GAD2: variants seen among roughly 807,000 people sequenced by gnomAD.
The protein encoded by GAD2 is glutamate decarboxylase 2, also known as 65 kDa glutamic acid decarboxylase.
Under a neutral mutation model 80.1 loss-of-function variants are expected in GAD2, and 22 were observed. The ratio of observed to expected loss-of-function variants is 0.27; its 90% CI spans 0.20 to 0.39. The LOEUF is 0.39. GAD2 is among the 10% of genes least tolerant of loss of function. The pLI is 1.00. For synonymous variants in GAD2, 274 were observed against 256.9 expected (o/e 1.07, Z -0.64); for missense variants, 624 against 738.4 (o/e 0.85, Z 1.80).
rs542945262 is a variant in GAD2, at chr10:26,245,460, G to A, written c.841-461G>A. 1.1e-4 allele frequency among the ~76,000 whole-genome samples: 16 copies of A among 149,082 alleles called. No homozygotes were observed. The South Asian group carries it at 2.3e-3, about 22-fold the overall frequency. Reference sequence around the variant, plus strand: ...TACCACAATTTTTTTTTTTTGAGACGGAGTTTCACTCTTGTCTCCCAAGTT... The same window carrying A: ...TACCACAATTTTTTTTTTTTGAGACAGAGTTTCACTCTTGTCTCCCAAGTT... On this transcript the variant is annotated intron_variant, in intron 7 of 15. Coordinates refer to ENST00000376261, the MANE Select transcript of GAD2 (RefSeq NM_001134366.2).
chr10:26,281,800 G>A (rs970777237), intron 12 of GAD2, among the ~76,000 whole-genome samples: 4 of 152,026 alleles, frequency 2.6e-5, no homozygotes, highest in Non-Finnish European at 5.9e-5. Context: ...ACGCCAGGCC[G>A]GACTCATAGT....
At chr10:26,222,712 A>G (rs1844468661) in intron 4 of GAD2, among the ~76,000 whole-genome samples, 1 of 152,174 alleles carries the variant, frequency 6.6e-6, no homozygotes, top group Non-Finnish European at 1.5e-5. Context: ...TTATATCTTT[A>G]CCCAGTGTCT....
intron 8 of GAD2, among the ~76,000 whole-genome samples, chr10:26,264,108 A>G (rs1845040394): frequency 6.6e-6 from 1 of 152,188 alleles, no homozygotes; most frequent in South Asian, 2.1e-4. Flanking sequence ...ACTGTCAAAC[A>G]CACATTGAGT....
At chr10:26,290,205 C>T (rs551610029) in intron 13 of GAD2, among the ~76,000 whole-genome samples, 8 of 152,246 alleles carry the variant, frequency 5.3e-5, no homozygotes, top group Non-Finnish European at 8.8e-5. Flanking sequence ...CATCTATTAT[C>T]GTGTCTAGTA....
intron 8 of GAD2, among the ~76,000 whole-genome samples, chr10:26,253,240 A>C (rs1298517087): frequency 1.3e-5 from 2 of 152,226 alleles, no homozygotes; most frequent in Non-Finnish European, 2.9e-5. Flanking sequence ...TTACTTATTA[A>C]ATTCGAAAGA....
intron 11 of GAD2, among the ~76,000 whole-genome samples, chr10:26,279,992 A>G (rs1289222549): frequency 6.6e-6 from 1 of 152,244 alleles, no homozygotes; most frequent in Non-Finnish European, 1.5e-5. Flanking sequence ...TTTGAGCTCC[A>G]GGACACTGCA....
At chr10:26,252,800 A>G (rs1246517196) in intron 8 of GAD2, among the ~76,000 whole-genome samples, 1 of 152,004 alleles carries the variant, frequency 6.6e-6, no homozygotes, top group East Asian at 1.9e-4. Context: ...CTGGGATTAC[A>G]GGCATGTGCA....
At chr10:26,257,865 G>T (rs1241857064) in intron 8 of GAD2, among the ~76,000 whole-genome samples, 1 of 152,194 alleles carries the variant, frequency 6.6e-6, no homozygotes, top group Non-Finnish European at 1.5e-5. Flanking sequence ...GGGGTCGTTA[G>T]GGATGCTAAT....
chr10:26,255,462 G>A lies in GAD2; in HGVS notation c.920+9462G>A, dbSNP rs1339757298. On this transcript the variant is annotated intron_variant, in intron 8 of 15. Coordinates refer to ENST00000376261, the MANE Select transcript of GAD2 (RefSeq NM_001134366.2). ...GGTCCAGGAGGTGGAGCCGTGAAGGGGAGGAGGCAGGGCTGAAGCTGGAGG... is the reference window on the plus strand; with the variant it reads ...GGTCCAGGAGGTGGAGCCGTGAAGGAGAGGAGGCAGGGCTGAAGCTGGAGG... Among the ~76,000 whole-genome samples the A allele has an allele frequency of 2.0e-5, 3 of 152,256 alleles. No individual in the cohort carries two copies. In the East Asian group the frequency reaches 5.8e-4, roughly 29 times the overall value.
At chr10:26,259,742 G>T (rs1844987322) in intron 8 of GAD2, among the ~76,000 whole-genome samples, 1 of 151,452 alleles carries the variant, frequency 6.6e-6, no homozygotes, top group Admixed American at 6.6e-5. Context: ...TTCTTTTGTT[G>T]CCTGAACCTT....
intron 7 of GAD2, among the ~76,000 whole-genome samples, chr10:26,231,035 A>G (rs983364427): frequency 2.0e-5 from 3 of 152,196 alleles, no homozygotes; most frequent in Admixed American, 2.0e-4. Flanking sequence ...GGTTGCAGTG[A>G]GAAGAGATCG....
At chr10:26,257,155 T>G (rs546804560) in intron 8 of GAD2, among the ~76,000 whole-genome samples, 22 of 152,268 alleles carry the variant, frequency 1.4e-4, no homozygotes, top group Non-Finnish European at 2.1e-4. Context: ...GGCAGGCATA[T>G]CACCTGAGGT....
intron 8 of GAD2, among the ~76,000 whole-genome samples, chr10:26,257,285 GAA>G (rs933978935): frequency 1.3e-5 from 2 of 152,168 alleles, no homozygotes; most frequent in African/African-American, 2.4e-5. Context: ...GCTGAGGCAG[GAA>G]AATCACTTGA....
chr10:26,220,329 T>C (rs1466917276), intron 4 of GAD2, among the ~76,000 whole-genome samples: 1 of 152,232 alleles, frequency 6.6e-6, no homozygotes, highest in Non-Finnish European at 1.5e-5. Context: ...GTCATCTTTT[T>C]AGATTGCAAA....
rs551049718 is a variant in GAD2 at position 26,237,306 on chromosome 10, G to C, written c.840+7529G>C. Among the ~76,000 whole-genome samples, 12 of 152,294 alleles carry C rather than the reference G, an allele frequency of 7.9e-5. No homozygotes were observed. The South Asian group carries it at 2.5e-3, about 32-fold the overall frequency. ...TCCAGGTTAGTGATATATCCTGTGA[G>C]CTTTGGAATTGATGAAATGGTGACA... On this transcript the variant is annotated intron_variant, in intron 7 of 15. Transcript: ENST00000376261.
chr10:26,269,073 T>C (rs199856488), intron 8 of GAD2, 46 bp from the exon 9 acceptor site: 1 of 1,480,096 alleles, frequency 6.8e-7, no homozygotes. Flanking sequence ...GTAAAGACGA[T>C]GAAGCAAATT....
chr10:26,217,910 C>A lies in GAD2; in HGVS notation c.205C>A (p.Arg69=). 1 of 1,610,778 alleles carries A rather than the reference C, an allele frequency of 6.2e-7. No homozygotes were observed. Among genetic ancestry groups the A allele is most frequent in the South Asian group, 1.1e-5 (1 of 90,956 alleles). The part of the protein sequence containing the change: ...GGSQPPRAAA[R]KAACACDQKP... ...GAGCCAACCCCCGCGGGCCGCCGCC[C>A]GGAAGGCCGCCTGCGCCTGCGACCA... is the stretch of plus-strand genomic sequence containing the variant. Residue 69 remains arginine (R), a synonymous_variant, in exon 3 of 16, where the codon CGG becomes AGG. Transcript: ENST00000376261. This position sits in a 1 kb window ranked among gnomAD's most constrained non-coding sequence, Gnocchi z 4.9.
chr10:26,237,913 AGGAGAATCACTTGAACCCG>A, intron 7 of GAD2, among the ~76,000 whole-genome samples: 1 of 151,378 alleles, frequency 6.6e-6, no homozygotes, highest in East Asian at 2.0e-4. Context: ...AGGCTGAGGC[AGGAGAATCACTTGAACCCG>A]GGAAGCAAAG....
rs185888135 is a variant in GAD2, at chr10:26,287,813, G to T, written c.1386+1319G>T. Among the ~76,000 whole-genome samples the T allele has an allele frequency of 6.6e-5, 10 of 152,262 alleles. 1 individual carries two copies. Among genetic ancestry groups the T allele is most frequent in the Admixed American group, 6.5e-4 (10 of 15,290 alleles). On this transcript the variant is annotated intron_variant, in intron 13 of 15. Coordinates refer to ENST00000376261, the MANE Select transcript of GAD2 (RefSeq NM_001134366.2). ...CTAACAACATTCACAAGGGAAATCT[G>T]GGATACCATGAGGTCCTTTATGCTT...
Sources: gnomAD v4.1 joint callset for allele counts (sites outside exome capture counted in the v4.1 genomes callset) on GRCh38, gnomAD v4.1.1 for gene constraint, Gnocchi (gnomAD v3.1) non-coding constraint, MANE v1.5 for transcripts, NCBI Gene and HGNC (gene_info 2026-07-23, HGNC 2026-07-21) for gene names.